Variants in CCSER1 observed in about 807,000 individuals in gnomAD.
CCSER1 encodes coiled-coil serine rich protein 1, also known as serine-rich coiled-coil domain-containing protein 1.
Under a neutral mutation model 82.0 loss-of-function variants are expected in CCSER1, and 41 were observed. That is an observed-to-expected ratio of 0.50 (90% CI 0.39 to 0.65). The LOEUF (loss-of-function observed/expected upper bound fraction) is 0.65. CCSER1 is among the 30% of genes least tolerant of loss of function. CCSER1 has a pLI of 0.00. For synonymous variants in CCSER1, 414 were observed against 383.9 expected, an observed-to-expected ratio of 1.08 and a Z score of -0.92; for missense variants, 1,119 against 1,064.2, an observed-to-expected ratio of 1.05 and a Z score of -0.72.
At chr4:90,688,773 G>A (rs938337506) in intron 6 of CCSER1, among the ~76,000 whole-genome samples, 4 of 152,036 alleles carry the variant, frequency 2.6e-5, no homozygotes, top group Admixed American at 6.6e-5. Context: ...TACTTTAAGT[G>A]AAATACCTAC....
chr4:91,170,474 ACAT>A (rs1430006539), intron 10 of CCSER1, among the ~76,000 whole-genome samples: 1 of 152,116 alleles, frequency 6.6e-6, no homozygotes, highest in Non-Finnish European at 1.5e-5. Flanking sequence ...AAAATGAGAA[ACAT>A]CATGAATAAC....
At chr4:91,453,403 G>C (rs1215387711) in intron 10 of CCSER1, among the ~76,000 whole-genome samples, 1 of 151,998 alleles carries the variant, frequency 6.6e-6, no homozygotes, top group African/African-American at 2.4e-5. Context: ...TCAGGCCACA[G>C]AGGGTCTCTC....
At chr4:91,302,613 T>A (rs1050808351) in intron 10 of CCSER1, among the ~76,000 whole-genome samples, 7 of 151,998 alleles carry the variant, frequency 4.6e-5, no homozygotes, top group Admixed American at 2.0e-4. Context: ...TTATTTATTG[T>A]GATATAAATC....
chr4:90,401,715 G>A (rs1010123739), intron 4 of CCSER1, among the ~76,000 whole-genome samples: 3 of 151,972 alleles, frequency 2.0e-5, no homozygotes, highest in Non-Finnish European at 4.4e-5. Flanking sequence ...TTTTAGTAGA[G>A]ACAGGGTTTC....
At chr4:91,052,813 T>C (rs147807404) in intron 9 of CCSER1, among the ~76,000 whole-genome samples, 2 of 152,154 alleles carry the variant, frequency 1.3e-5, no homozygotes, top group African/African-American at 2.4e-5. Context: ...TTAAAAACAT[T>C]ATTTTGATAG....
At chr4:90,387,814 A>G (rs1299101421) in intron 3 of CCSER1, among the ~76,000 whole-genome samples, 10 of 152,252 alleles carry the variant, frequency 6.6e-5, no homozygotes, top group Admixed American at 5.2e-4. Context: ...TTTCTACCCT[A>G]TGTGTCTTTT....
intron 10 of CCSER1, among the ~76,000 whole-genome samples, chr4:91,459,760 A>G (rs570197719): frequency 1.1e-4 from 17 of 152,246 alleles, no homozygotes; most frequent in South Asian, 8.3e-4. Context: ...ATTGAATTCT[A>G]CTTCAAGGAC....
At chr4:91,242,870 C>T (rs762642083) in intron 10 of CCSER1, among the ~76,000 whole-genome samples, 18 of 152,260 alleles carry the variant, frequency 1.2e-4, no homozygotes, top group Middle Eastern at 3.4e-3. Flanking sequence ...TAGAAGCCTA[C>T]GTTGTTTGTC....
chr4:90,672,742 G>T (rs1228648905), intron 6 of CCSER1, among the ~76,000 whole-genome samples: 1 of 151,946 alleles, frequency 6.6e-6, no homozygotes, highest in Non-Finnish European at 1.5e-5. Context: ...GAGAGAAATT[G>T]TAACTCTTCC....
At position 90,728,053 on chromosome 4, in the gene CCSER1, T is replaced by A. The variant is rs189560990; in HGVS notation, c.2010+4062T>A. Among the ~76,000 whole-genome samples the A allele has an allele frequency of 5.9e-5, 9 of 152,252 alleles. No individual in the cohort carries two copies. In the East Asian group the frequency reaches 1.7e-3, roughly 30 times the overall value. ...CATTCACCAATCCTTGATCAAAATT[T>A]AAAACAAACCTAATTCATTGCATTT... On this transcript the variant is annotated intron_variant, in intron 7 of 10. Coordinates refer to ENST00000509176, the MANE Select transcript of CCSER1 (RefSeq NM_001145065.2).
rs1030393469 is a variant in CCSER1, at chr4:91,170,517, G to T, written c.2217+84523G>T. ...CATAGAAAGGGAGATAAGTGTGACT[G>T]GGTGTGAAATTTTCTTGAGGGTAAT... On this transcript the variant is annotated intron_variant, in intron 10 of 10. Transcript: ENST00000509176. Among the ~76,000 whole-genome samples the T allele has an allele frequency of 5.3e-5, 8 of 152,240 alleles. No individual in the cohort carries two copies. The East Asian group carries it at 1.4e-3, about 26-fold the overall frequency.
intron 8 of CCSER1, among the ~76,000 whole-genome samples, chr4:90,873,684 A>G (rs946406383): frequency 3.9e-5 from 6 of 152,116 alleles, no homozygotes; most frequent in African/African-American, 1.2e-4. Context: ...AAGAGTGTCT[A>G]AGGAAATATA....
intron 5 of CCSER1, among the ~76,000 whole-genome samples, chr4:90,531,771 A>T (rs993866134): frequency 6.6e-6 from 1 of 152,186 alleles, no homozygotes; most frequent in Non-Finnish European, 1.5e-5. Context: ...ACACGCATGC[A>T]TACATACACA....
intron 5 of CCSER1, among the ~76,000 whole-genome samples, chr4:90,598,659 T>C (rs1284642798): frequency 6.6e-6 from 1 of 152,188 alleles, no homozygotes; most frequent in Non-Finnish European, 1.5e-5. Context: ...AATTGGATTT[T>C]TAAAATTTTT....
At chr4:90,881,319 G>C (rs1184830499) in intron 8 of CCSER1, among the ~76,000 whole-genome samples, 1 of 146,806 alleles carries the variant, frequency 6.8e-6, no homozygotes, top group Non-Finnish European at 1.5e-5. Flanking sequence ...CAGACAGACA[G>C]AGAGAGAGAG....
rs144220761 is a variant in CCSER1 at position 91,280,537 on chromosome 4, C to T, written c.2217+194543C>T. ...CAGGTGCTGAGAGAGGTGGATAGGA[C>T]AGGGCGATCCCCAGAACCCTGGTGA... is the stretch of plus-strand genomic sequence containing the variant. On this transcript the variant is annotated intron_variant, in intron 10 of 10. Transcript: ENST00000509176. Among the ~76,000 whole-genome samples the T allele has an allele frequency of 4.8e-4, 73 of 152,270 alleles. No individual in the cohort carries two copies. The East Asian group carries it at 0.011, about 22-fold the overall frequency.
intron 5 of CCSER1, among the ~76,000 whole-genome samples, chr4:90,482,709 T>C (rs987838433): frequency 6.6e-6 from 1 of 152,218 alleles, no homozygotes; most frequent in Non-Finnish European, 1.5e-5. Flanking sequence ...TCCTGAGTTC[T>C]AGTTTGATTG....
At chr4:90,660,694 T>C (rs1213783384) in intron 6 of CCSER1, among the ~76,000 whole-genome samples, 40 of 152,266 alleles carry the variant, frequency 2.6e-4, no homozygotes, top group Non-Finnish European at 1.5e-5. Flanking sequence ...TTGTTATTGC[T>C]AACCTTTTTC....
intron 7 of CCSER1, among the ~76,000 whole-genome samples, chr4:90,777,354 C>CAAAA (rs60638334): frequency 0.011 from 615 of 58,348 alleles, 45 homozygotes; most frequent in African/African-American, 0.035. Context: ...GACTCCATCT[C>CAAAA]AAAAAAAAAA....
Sources: gnomAD v4.1 joint callset for allele counts (sites outside exome capture counted in the v4.1 genomes callset) on GRCh38, gnomAD v4.1.1 for gene constraint, MANE v1.5 for transcripts, NCBI Gene and HGNC (gene_info 2026-07-23, HGNC 2026-07-21) for gene names.